Variants in TRAPPC12 observed in about 807,000 individuals in gnomAD.
TRAPPC12 encodes trafficking protein particle complex subunit 12, also known as TPR repeat protein 15.
TRAPPC12 carries 61 observed loss-of-function variants against 69.2 expected under a neutral mutation model. That is an observed-to-expected ratio of 0.88 (90% CI 0.72 to 1.09). The LOEUF is 1.09. Ranked by LOEUF, TRAPPC12 falls within the 50% of genes least tolerant of loss-of-function variation. TRAPPC12 has a pLI of 0.00. For missense variants in TRAPPC12, 1,101 were observed against 1,016.4 expected (o/e 1.08, Z -1.13); for synonymous variants, 469 against 438.9 (o/e 1.07, Z -0.86).
chr2:3,436,723 C>A (rs1273894343), intron 5 of TRAPPC12, among the ~76,000 whole-genome samples: 1 of 151,278 alleles, frequency 6.6e-6, no homozygotes, highest in African/African-American at 2.4e-5. Flanking sequence ...TTAATCCCCC[C>A]ACCACCCCTG....
Position 3,421,978 on chromosome 2 carries a change from C to T in TRAPPC12, c.1262C>T (p.Thr421Met), listed in dbSNP as rs145733257. 2,852 of 1,613,018 alleles carry T rather than the reference C, an allele frequency of 1.8e-3. 5 individuals are homozygous for T. Among genetic ancestry groups the T allele is most frequent in the Non-Finnish European group, 2.2e-3 (2,649 of 1,179,722 alleles). Reference protein sequence around the residue: ...YGKSGLLTSHTTDSLQLWFVR... With the variant: ...YGKSGLLTSHMTDSLQLWFVR... Reference sequence around the variant, plus strand: ...AAGAGCGGGCTGCTCACCAGCCACACGACAGATTCACTGCAGGTGAGAACA... The same window carrying T: ...AAGAGCGGGCTGCTCACCAGCCACATGACAGATTCACTGCAGGTGAGAACA... The change falls in exon 4 of 12, where the codon ACG becomes ATG. Residue 421 changes from threonine (T) to methionine (M), a missense_variant. By Grantham distance (81) the Thr-to-Met change is moderately conservative. Coordinates refer to ENST00000324266, the MANE Select transcript of TRAPPC12 (RefSeq NM_016030.6).
At chr2:3,479,091 C>T (rs941906445) in intron 11 of TRAPPC12, 128 bp from the exon 12 acceptor site, 1 of 1,517,006 alleles carries the variant, frequency 6.6e-7, no homozygotes, top group Non-Finnish European at 8.9e-7. Context: ...CCCAACAGGG[C>T]CACCTAGGCT....
chr2:3,413,879 C>G (rs1289880166), intron 3 of TRAPPC12, among the ~76,000 whole-genome samples: 10 of 152,176 alleles, frequency 6.6e-5, no homozygotes, highest in East Asian at 3.8e-4. Context: ...CCTGCTGTTT[C>G]TGCTGTATCC....
At position 3,381,040 on chromosome 2, in the gene TRAPPC12, A is replaced by G. The variant is rs1382517595; in HGVS notation, c.-5+1164A>G. The stretch of plus-strand genomic sequence containing the variant: ...GAGAGGTGACCAGCACAAAGAAAAG[A>G]GTATTGGCAGAAAGCGCTGTGTGGG... On this transcript the variant is annotated intron_variant, in intron 1 of 11. Transcript: ENST00000324266. Among the ~76,000 whole-genome samples the G allele has an allele frequency of 7.2e-5, 11 of 152,300 alleles. No individual in the cohort carries two copies. The South Asian group carries it at 1.7e-3, about 23-fold the overall frequency.
At chr2:3,474,808 T>C (rs754023737) in intron 9 of TRAPPC12, among the ~76,000 whole-genome samples, 1 of 152,218 alleles carries the variant, frequency 6.6e-6, no homozygotes, top group African/African-American at 2.4e-5. Flanking sequence ...CACCTAAGAA[T>C]TGCCTTTGCT....
In TRAPPC12 at chr2:3,414,527, C is replaced by T. The variant is rs965719581; in HGVS notation, c.1165-7354C>T. Reference sequence around the variant, plus strand: ...TCCAGCTCCAGCTCAGCCTCACCCCCACCATCCCCCTGACCCCATCCCCCA... The same window carrying T: ...TCCAGCTCCAGCTCAGCCTCACCCCTACCATCCCCCTGACCCCATCCCCCA... On this transcript the variant is annotated intron_variant, in intron 3 of 11. Coordinates refer to ENST00000324266, the MANE Select transcript of TRAPPC12 (RefSeq NM_016030.6). This position sits in a 1 kb window ranked among gnomAD's most constrained non-coding sequence, Gnocchi z 4.9. 1.3e-5 allele frequency among the ~76,000 whole-genome samples: 2 copies of T among 151,414 alleles called. 1 individual carries two copies. Among genetic ancestry groups the T allele is most frequent in the South Asian group, 4.2e-4 (2 of 4,784 alleles).
At chr2:3,474,077 A>C (rs1666184758) in intron 9 of TRAPPC12, among the ~76,000 whole-genome samples, 1 of 152,186 alleles carries the variant, frequency 6.6e-6, no homozygotes, top group Non-Finnish European at 1.5e-5. Context: ...CCGTGCCACC[A>C]AGGTGATGAG....
At chr2:3,382,534 A>G (rs1410495971) in intron 1 of TRAPPC12, among the ~76,000 whole-genome samples, 1 of 152,332 alleles carries the variant, frequency 6.6e-6, no homozygotes, top group Non-Finnish European at 1.5e-5. Context: ...TTCCTCCATG[A>G]TAGGTATCTA....
intron 3 of TRAPPC12, among the ~76,000 whole-genome samples, chr2:3,402,673 A>G (rs1661512464): frequency 6.6e-6 from 1 of 152,246 alleles, no homozygotes; most frequent in Non-Finnish European, 1.5e-5. Flanking sequence ...TGAATTTATA[A>G]TCTTAAAGAC....
chr2:3,466,425 T>C (rs1451813740), intron 9 of TRAPPC12: 1 of 469,170 alleles, frequency 2.1e-6, no homozygotes, highest in Admixed American at 2.4e-5. Flanking sequence ...GCATTTCACC[T>C]CACGGTGTGA....
At chr2:3,440,377 T>C (rs987377849) in intron 5 of TRAPPC12, among the ~76,000 whole-genome samples, 53 of 152,358 alleles carry the variant, frequency 3.5e-4, no homozygotes, top group African/African-American at 1.3e-3. Context: ...CAGAGTTTTA[T>C]AGTTTTCTTC....
intron 6 of TRAPPC12, chr2:3,454,629 C>T (rs6730178): frequency 0.23 from 34,416 of 152,254 alleles, 6,782 homozygotes; most frequent in African/African-American, 0.53. Context: ...AAGATGGAGC[C>T]TCTGTTTCTG....
At chr2:3,442,918 G>A (rs1486275587) in intron 5 of TRAPPC12, among the ~76,000 whole-genome samples, 1 of 152,216 alleles carries the variant, frequency 6.6e-6, no homozygotes, top group African/African-American at 2.4e-5. Context: ...CTATGTGATT[G>A]CCCTCTGGCA....
chr2:3,382,162 G>T (rs1660242118), intron 1 of TRAPPC12, among the ~76,000 whole-genome samples: 1 of 126,754 alleles, frequency 7.9e-6, no homozygotes, highest in Non-Finnish European at 1.6e-5. Flanking sequence ...TTGAGATGGA[G>T]TCTTATTCTG....
intron 3 of TRAPPC12, among the ~76,000 whole-genome samples, chr2:3,412,931 T>C (rs986737399): frequency 4.6e-5 from 7 of 152,208 alleles, no homozygotes; most frequent in Admixed American, 4.6e-4. Flanking sequence ...TGGACATAAA[T>C]AGGAGTTGTA....
chr2:3,436,450 G>A (rs1010604768), intron 5 of TRAPPC12, among the ~76,000 whole-genome samples: 1 of 151,948 alleles, frequency 6.6e-6, no homozygotes, highest in Non-Finnish European at 1.5e-5. Flanking sequence ...CAGAAAAATC[G>A]AGTAGAGAGT....
intron 6 of TRAPPC12, among the ~76,000 whole-genome samples, chr2:3,448,414 C>A (rs1664633650): frequency 6.6e-6 from 1 of 152,214 alleles, no homozygotes; most frequent in South Asian, 2.1e-4. Context: ...GAAATTTTAG[C>A]AATCTCTACT....
chr2:3,478,718 T>C (rs1170129723), intron 10 of TRAPPC12, 128 bp from the exon 11 acceptor site: 1 of 716,162 alleles, frequency 1.4e-6, no homozygotes. Context: ...TACCTGGAGA[T>C]CAGGAACCCC....
intron 2 of TRAPPC12, among the ~76,000 whole-genome samples, chr2:3,400,056 T>C (rs12995541): frequency 0.26 from 39,653 of 152,088 alleles, 5,398 homozygotes; most frequent in East Asian, 0.41. Flanking sequence ...GTTTGAGTCT[T>C]TCTTCTGCTC....
Sources: allele counts gnomAD v4.1 joint callset (sites outside exome capture counted in the v4.1 genomes callset), GRCh38; gene constraint gnomAD v4.1.1; non-coding constraint Gnocchi (gnomAD v3.1); transcripts MANE v1.5; gene names NCBI Gene and HGNC (gene_info 2026-07-23, HGNC 2026-07-21).